MAN2A1: variants seen among roughly 807,000 people sequenced by gnomAD.
MAN2A1 encodes alpha-mannosidase 2.
In MAN2A1, 76 loss-of-function variants were observed where a neutral mutation model predicts 142.6. That is an observed-to-expected ratio of 0.53 (90% CI 0.44 to 0.65). The LOEUF is 0.65. Ranked by LOEUF, MAN2A1 falls within the 30% of genes least tolerant of loss-of-function variation. The pLI is 0.00. For synonymous variants in MAN2A1, 559 were observed against 473.2 expected (o/e 1.18, Z -2.35); for missense variants, 1,311 against 1,365.1 (o/e 0.96, Z 0.62).
chr5:109,722,302 G>A (rs1751627060), intron 3 of MAN2A1, among the ~76,000 whole-genome samples: 1 of 152,124 alleles, frequency 6.6e-6, no homozygotes, highest in African/African-American at 2.4e-5. Context: ...TGAAATGAAT[G>A]TCTCTGTCCC....
At chr5:109,734,904 G>C (rs9764072) in intron 4 of MAN2A1, among the ~76,000 whole-genome samples, 63,736 of 150,036 alleles carry the variant, frequency 0.42, 13,976 homozygotes, top group African/African-American at 0.59. Flanking sequence ...GTGCAGAGCT[G>C]AGTTCAATTC....
At chr5:109,792,882 A>AG (rs1368439626) in intron 12 of MAN2A1, among the ~76,000 whole-genome samples, 1 of 152,050 alleles carries the variant, frequency 6.6e-6, no homozygotes, top group African/African-American at 2.4e-5. Flanking sequence ...GCTGGTTCCA[A>AG]GGGGGAGTGT....
At chr5:109,860,048 C>T (rs971534939) in intron 20 of MAN2A1, among the ~76,000 whole-genome samples, 6 of 152,056 alleles carry the variant, frequency 3.9e-5, no homozygotes, top group Non-Finnish European at 7.4e-5. Context: ...GCACCACTTA[C>T]TGAATAAGAT....
intron 20 of MAN2A1, chr5:109,863,534 T>C (rs1006250431): frequency 2.6e-5 from 4 of 152,204 alleles, no homozygotes; most frequent in Non-Finnish European, 5.9e-5. Flanking sequence ...TACAAGGCAG[T>C]GTGAAGCTAC....
chr5:109,731,254 A>G (rs918938657), intron 4 of MAN2A1, among the ~76,000 whole-genome samples: 2 of 151,756 alleles, frequency 1.3e-5, no homozygotes, highest in African/African-American at 2.4e-5. Flanking sequence ...TTTGAAATAT[A>G]TGATACATTA....
At chr5:109,778,641 A>G (rs751270186) in intron 8 of MAN2A1, among the ~76,000 whole-genome samples, 23 of 152,200 alleles carry the variant, frequency 1.5e-4, no homozygotes, top group Admixed American at 2.6e-4. Flanking sequence ...GTACCCCAAG[A>G]TGAAAATTTG....
At chr5:109,856,285 G>C (rs1755604112) in intron 20 of MAN2A1, among the ~76,000 whole-genome samples, 1 of 152,082 alleles carries the variant, frequency 6.6e-6, no homozygotes, top group Non-Finnish European at 1.5e-5. Context: ...CTGTCACTTG[G>C]GAGAGGCCTA....
At chr5:109,854,601 T>G (rs559481354) in intron 19 of MAN2A1, 1 of 152,342 alleles carries the variant, frequency 6.6e-6, no homozygotes, top group Non-Finnish European at 1.5e-5. Context: ...TTTTGAGAGT[T>G]TTGTTTTCTT....
Position 109,713,621 on chromosome 5 carries a change from G to T in MAN2A1, c.237G>T (p.Leu79Phe). ...ISNIRDSVIN[L>F]SESVEDGPKS... ...ATATTAGAGACTCAGTCATCAATTT[G>T]AGTGAGTCTGTGGAGGATGGTCCGA... Residue 79 changes from leucine (L) to phenylalanine (F), a missense_variant, in exon 2 of 22, where the codon TTG becomes TTT. Coordinates refer to ENST00000261483, the MANE Select transcript of MAN2A1 (RefSeq NM_002372.4). 3 of 1,614,176 alleles carry T rather than the reference G, an allele frequency of 1.9e-6. No individual in the cohort carries two copies. The highest frequency in any genetic ancestry group is 2.5e-6 in the Non-Finnish European group (3 of 1,180,034).
intron 4 of MAN2A1, among the ~76,000 whole-genome samples, chr5:109,734,620 T>C (rs889846091): frequency 3.9e-5 from 6 of 152,270 alleles, no homozygotes; most frequent in African/African-American, 9.6e-5. Context: ...GCCTTCATTT[T>C]GTTATGTACC....
chr5:109,730,043 G>A (rs951893527), intron 4 of MAN2A1, among the ~76,000 whole-genome samples: 2 of 151,956 alleles, frequency 1.3e-5, no homozygotes, highest in African/African-American at 4.8e-5. Flanking sequence ...GAATTACTAG[G>A]TCAAAGTGGC....
intron 6 of MAN2A1, among the ~76,000 whole-genome samples, chr5:109,769,455 C>G (rs1430612034): frequency 1.3e-5 from 2 of 152,120 alleles, no homozygotes; most frequent in Non-Finnish European, 2.9e-5. Flanking sequence ...GTAAGCAGTA[C>G]ATACTCATTG....
chr5:109,750,375 C>T (rs901924684), intron 4 of MAN2A1, among the ~76,000 whole-genome samples: 10 of 151,982 alleles, frequency 6.6e-5, no homozygotes, highest in Non-Finnish European at 1.2e-4. Context: ...GGTTTATTAT[C>T]TGTTTTTCTA....
rs185716189 is a variant in MAN2A1 at position 109,843,547 on chromosome 5, G to A, written c.2700+1086G>A. Among the ~76,000 whole-genome samples the A allele has an allele frequency of 4.5e-3, 681 of 152,220 alleles. 4 individuals carry two copies. Among genetic ancestry groups the A allele is most frequent in the Middle Eastern group, 0.01 (3 of 294 alleles). On this transcript the variant is annotated intron_variant, in intron 17 of 21. Coordinates refer to ENST00000261483, the MANE Select transcript of MAN2A1 (RefSeq NM_002372.4). The stretch of plus-strand genomic sequence containing the variant: ...TTGGTTTAATGTATGATCTAATAAT[G>A]GGCCCTTGTAAATTTCAGGAAAACT...
At chr5:109,799,557 C>T (rs1357334481) in intron 12 of MAN2A1, among the ~76,000 whole-genome samples, 1 of 151,962 alleles carries the variant, frequency 6.6e-6, no homozygotes, top group Non-Finnish European at 1.5e-5. Context: ...GAGTTTGAGA[C>T]CAGCCTGACC....
chr5:109,723,736 CCA>C (rs1751668494), intron 3 of MAN2A1, among the ~76,000 whole-genome samples: 2 of 152,144 alleles, frequency 1.3e-5, no homozygotes, highest in Non-Finnish European at 2.9e-5. Flanking sequence ...TTATTTCTCA[CCA>C]TATTTGCATC....
intron 8 of MAN2A1, among the ~76,000 whole-genome samples, chr5:109,778,453 G>A (rs113029928): frequency 0.013 from 1,988 of 152,130 alleles, 36 homozygotes; most frequent in African/African-American, 0.046. Flanking sequence ...GAAAACATTC[G>A]TTAGTCATAA....
chr5:109,772,203 T>C (rs2112653582), intron 7 of MAN2A1, among the ~76,000 whole-genome samples: 1 of 152,244 alleles, frequency 6.6e-6, no homozygotes, highest in Non-Finnish European at 1.5e-5. Context: ...GAGACCAGCC[T>C]GGGCAACATG....
In MAN2A1 at chr5:109,706,679, A is replaced by T. The variant is rs1041765985; in HGVS notation, c.136-6841A>T. On this transcript the variant is annotated intron_variant, in intron 1 of 21. Coordinates refer to ENST00000261483, the MANE Select transcript of MAN2A1 (RefSeq NM_002372.4). ...TCTTACATGGTGGGCACATTTGATGACATAATCAGAGTCCAGAAAGAACTT... is the reference window on the plus strand; with the variant it reads ...TCTTACATGGTGGGCACATTTGATGTCATAATCAGAGTCCAGAAAGAACTT... Among the ~76,000 whole-genome samples, 4 of 152,178 alleles carry T rather than the reference A, an allele frequency of 2.6e-5. No individual in the cohort carries two copies. In the East Asian group the frequency reaches 7.7e-4, roughly 29 times the overall value.
Sources: allele counts gnomAD v4.1 joint callset (sites outside exome capture counted in the v4.1 genomes callset), GRCh38; gene constraint gnomAD v4.1.1; transcripts MANE v1.5; gene names NCBI Gene and HGNC (gene_info 2026-07-23, HGNC 2026-07-21).